Variants in CDK14 observed in about 807,000 individuals in gnomAD.
CDK14 encodes cyclin dependent kinase 14, also known as cyclin-dependent kinase 14.
CDK14 carries 34 observed loss-of-function variants against 60.7 expected under a neutral mutation model. That is an observed-to-expected ratio of 0.56 (90% CI 0.43 to 0.75). The LOEUF (loss-of-function observed/expected upper bound fraction) is 0.75, where lower values mean the gene tolerates loss of function less well. CDK14 is among the 30% of genes least tolerant of loss of function. The probability of loss-of-function intolerance (pLI) is 0.00; values close to 1 mark genes in which losing one functional copy is unlikely to be tolerated. For missense variants in CDK14, 482 were observed against 564.1 expected (o/e 0.85, Z 1.47); for synonymous variants, 197 against 203.7 (o/e 0.97, Z 0.28).
chr7:91,197,095 A>G (rs1802566189), intron 14 of CDK14, among the ~76,000 whole-genome samples: 1 of 152,156 alleles, frequency 6.6e-6, no homozygotes, highest in African/African-American at 2.4e-5. Flanking sequence ...CCCACATTTT[A>G]GAACCAAAAG....
intron 2 of CDK14, among the ~76,000 whole-genome samples, chr7:90,636,396 T>C (rs558473184): frequency 6.6e-6 from 1 of 152,320 alleles, no homozygotes; most frequent in East Asian, 1.9e-4. Flanking sequence ...GATAATCATG[T>C]GATTTTTGTC....
intron 8 of CDK14, among the ~76,000 whole-genome samples, chr7:90,928,655 G>A (rs1793496679): frequency 6.6e-6 from 1 of 152,202 alleles, no homozygotes; most frequent in South Asian, 2.1e-4. Context: ...CTCCCAGTTA[G>A]GCTACTCGGG....
At chr7:91,035,517 T>C (rs2083636727) in intron 10 of CDK14, among the ~76,000 whole-genome samples, 2 of 151,994 alleles carry the variant, frequency 1.3e-5, no homozygotes, top group African/African-American at 4.8e-5. Flanking sequence ...CCCAAAACAT[T>C]TTTTTCTCAA....
At chr7:91,160,313 T>TC (rs1177765646) in intron 14 of CDK14, among the ~76,000 whole-genome samples, 1 of 152,052 alleles carries the variant, frequency 6.6e-6, no homozygotes, top group African/African-American at 2.4e-5. Context: ...CATGGCCCAT[T>TC]CCAGCCCAGG....
At chr7:90,673,588 A>G (rs980440014) in intron 2 of CDK14, among the ~76,000 whole-genome samples, 14 of 152,154 alleles carry the variant, frequency 9.2e-5, no homozygotes, top group Admixed American at 7.2e-4. Context: ...GGTTAAGTCT[A>G]TTGCTCAGAG....
At position 91,186,181 on chromosome 7, in the gene CDK14, CCCTCTCCTCT is replaced by C. The variant is rs1802180225; in HGVS notation, c.*29-20979_*29-20970del. Reference sequence around the variant, plus strand: ...CCCTCCCCTCTCCTCTCCTCCCCTCCCCTCTCCTCTCCTCCCCTCCCCTCTCCTCTCCTCC... The same window carrying C: ...CCCTCCCCTCTCCTCTCCTCCCCTCCCCTCCCCTCCCCTCTCCTCTCCTCC... On this transcript the variant is annotated intron_variant, in intron 14 of 14. Coordinates refer to ENST00000380050, the MANE Select transcript of CDK14 (RefSeq NM_001287135.2). Among the ~76,000 whole-genome samples the C allele has an allele frequency of 5.4e-4, 4 of 7,424 alleles. 1 individual carries two copies. Among genetic ancestry groups the C allele is most frequent in the Non-Finnish European group, 5.3e-4 (2 of 3,792 alleles). 4.9% of individuals were successfully genotyped at this position (7,424 alleles called of 152,430 possible).
chr7:91,098,171 A>C (rs1296795280), intron 12 of CDK14, among the ~76,000 whole-genome samples: 4 of 152,238 alleles, frequency 2.6e-5, no homozygotes, highest in Non-Finnish European at 4.4e-5. Flanking sequence ...TTCAAATTCC[A>C]GATGCAATGT....
chr7:91,014,973 T>A (rs1190762579), intron 10 of CDK14, among the ~76,000 whole-genome samples: 1 of 152,242 alleles, frequency 6.6e-6, no homozygotes, highest in Non-Finnish European at 1.5e-5. Context: ...CTTTGAAACC[T>A]ATGTCCATTG....
At chr7:90,990,725 T>C (rs910006734) in intron 10 of CDK14, among the ~76,000 whole-genome samples, 1 of 152,210 alleles carries the variant, frequency 6.6e-6, no homozygotes, top group African/African-American at 2.4e-5. Flanking sequence ...TCCAAGCCAT[T>C]AATATGTAAT....
At chr7:91,032,467 TC>T (rs1796788531) in intron 10 of CDK14, among the ~76,000 whole-genome samples, 1 of 152,064 alleles carries the variant, frequency 6.6e-6, no homozygotes, top group Non-Finnish European at 1.5e-5. Flanking sequence ...AAGTTGAGGG[TC>T]GTGAAATGGG....
intron 14 of CDK14, among the ~76,000 whole-genome samples, chr7:91,206,525 A>G (rs1293348309): frequency 6.6e-6 from 1 of 152,202 alleles, no homozygotes; most frequent in East Asian, 1.9e-4. Flanking sequence ...GGAAGTACGG[A>G]AAGGGACAGA....
rs17866839 is a variant in CDK14, at chr7:90,602,932, C to T, written c.92-1286C>T. On this transcript the variant is annotated intron_variant, in intron 1 of 14. Coordinates refer to ENST00000380050, the MANE Select transcript of CDK14 (RefSeq NM_001287135.2). ...CAAATATATGAAACAGAGAAAATAA[C>T]CTTTTCACGATTGTTAGAGTATGTA... Among the ~76,000 whole-genome samples, 824 of 152,262 alleles carry T rather than the reference C, an allele frequency of 5.4e-3. 6 individuals are homozygous for T. Among genetic ancestry groups the T allele is most frequent in the African/African-American group, 0.017 (709 of 41,562 alleles).
chr7:90,744,082 G>A (rs1803467224), intron 3 of CDK14, among the ~76,000 whole-genome samples: 1 of 152,064 alleles, frequency 6.6e-6, no homozygotes, highest in South Asian at 2.1e-4. Flanking sequence ...AGGGTCATAG[G>A]ACAATAGTGG....
At chr7:90,657,433 G>C (rs1346954328) in intron 2 of CDK14, among the ~76,000 whole-genome samples, 1 of 152,114 alleles carries the variant, frequency 6.6e-6, no homozygotes, top group Non-Finnish European at 1.5e-5. Flanking sequence ...ATCTAAAGCT[G>C]GATGTAAAAT....
chr7:91,017,694 G>T (rs2115854961), intron 10 of CDK14, among the ~76,000 whole-genome samples: 1 of 152,280 alleles, frequency 6.6e-6, no homozygotes. Flanking sequence ...TATGATGGAT[G>T]AGTATCACAG....
chr7:90,601,202 C>A (rs17864073), intron 1 of CDK14, among the ~76,000 whole-genome samples: 3,796 of 152,290 alleles, frequency 0.025, 59 homozygotes, highest in African/African-American at 0.042. Flanking sequence ...ATGTAATATG[C>A]TTGTTACTCC....
intron 4 of CDK14, among the ~76,000 whole-genome samples, chr7:90,785,866 G>A (rs1202453855): frequency 2.0e-5 from 3 of 151,966 alleles, no homozygotes; most frequent in Non-Finnish European, 2.9e-5. Context: ...ACAAATTTAG[G>A]GCACACAGAT....
intron 3 of CDK14, among the ~76,000 whole-genome samples, chr7:90,742,761 A>G (rs555402125): frequency 6.6e-6 from 1 of 152,074 alleles, no homozygotes; most frequent in Admixed American, 6.5e-5. Context: ...CATATTTATG[A>G]ATTTTAAGTT....
intron 1 of CDK14, among the ~76,000 whole-genome samples, chr7:90,599,593 A>G (rs574840333): frequency 1.3e-5 from 2 of 152,316 alleles, no homozygotes; most frequent in East Asian, 3.9e-4. Context: ...ATAGGCTGTC[A>G]TTGTTCCTTG....
Sources: gnomAD v4.1 joint callset for allele counts (sites outside exome capture counted in the v4.1 genomes callset) on GRCh38, gnomAD v4.1.1 for gene constraint, MANE v1.5 for transcripts, NCBI Gene and HGNC (gene_info 2026-07-23, HGNC 2026-07-21) for gene names.